ALK: variants seen among roughly 807,000 people sequenced by gnomAD.
The protein encoded by ALK is ALK tyrosine kinase receptor.
A neutral mutation model predicts 163.1 loss-of-function variants in ALK; 74 were observed. The ratio of observed to expected loss-of-function variants is 0.45; its 90% CI spans 0.38 to 0.55. The LOEUF is 0.55. ALK is among the 20% of genes least tolerant of loss of function. The pLI, the probability that ALK is intolerant of heterozygous loss-of-function variation, is 0.00. For missense variants in ALK, 2,063 were observed against 2,105.3 expected, an observed-to-expected ratio of 0.98 and a Z score of 0.39; for synonymous variants, 960 against 843.2, an observed-to-expected ratio of 1.14 and a Z score of -2.40.
In ALK at chr2:29,814,509, A is replaced by T. The variant is rs571043894; in HGVS notation, c.668-96812T>A. ...CCCTGTCTCTACTAAAAATACAAAAAATTAGCTGGGCGAGGTGGCAGGCAC... is the reference window on the plus strand; with the variant it reads ...CCCTGTCTCTACTAAAAATACAAAATATTAGCTGGGCGAGGTGGCAGGCAC... On this transcript the variant is annotated intron_variant, in intron 1 of 28. Transcript: ENST00000389048. Among the ~76,000 whole-genome samples the T allele has an allele frequency of 1.8e-4, 27 of 151,956 alleles. 2 individuals carry two copies. The highest frequency in any genetic ancestry group is 5.3e-4 in the African/African-American group (22 of 41,418).
intron 3 of ALK, among the ~76,000 whole-genome samples, chr2:29,653,704 T>C (rs1004553701): frequency 6.6e-6 from 1 of 151,998 alleles, no homozygotes; most frequent in African/African-American, 2.4e-5. Context: ...TGGGAGAAGA[T>C]ACACGGTATG....
chr2:29,267,839 A>G (rs1665260125), intron 11 of ALK, among the ~76,000 whole-genome samples: 1 of 152,232 alleles, frequency 6.6e-6, no homozygotes, highest in Non-Finnish European at 1.5e-5. Flanking sequence ...AGAAGCAGCA[A>G]GTCTGAGAGA....
chr2:29,362,221 C>T (rs80178066), intron 5 of ALK, among the ~76,000 whole-genome samples: 40 of 152,266 alleles, frequency 2.6e-4, no homozygotes, highest in Non-Finnish European at 4.1e-4. Flanking sequence ...AGGAGAAGGA[C>T]GGGAGGTAAT....
At chr2:29,816,072 T>C (rs544746498) in intron 1 of ALK, among the ~76,000 whole-genome samples, 1 of 152,336 alleles carries the variant, frequency 6.6e-6, no homozygotes, top group East Asian at 1.9e-4. Context: ...CTGCCTAATT[T>C]CTTCCACAAG....
rs572243959 is a variant in ALK, at chr2:29,662,409, C to T, written c.952+32441G>A. Among the ~76,000 whole-genome samples the T allele has an allele frequency of 2.6e-5, 4 of 152,178 alleles. No homozygotes were observed. In the East Asian group the frequency reaches 7.7e-4, roughly 29 times the overall value. ...GATTCATGAATTGTCTCATTTGACC[C>T]AATTTCCTGTATGTTTTATAATAAG... On this transcript the variant is annotated intron_variant, in intron 3 of 28. Transcript: ENST00000389048.
intron 4 of ALK, among the ~76,000 whole-genome samples, chr2:29,517,148 C>T (rs1408345122): frequency 6.6e-6 from 1 of 152,120 alleles, no homozygotes; most frequent in African/African-American, 2.4e-5. Context: ...TGGATAGAAA[C>T]ACACACAGCC....
intron 4 of ALK, among the ~76,000 whole-genome samples, chr2:29,482,261 T>C (rs1161981021): frequency 2.0e-5 from 3 of 152,122 alleles, no homozygotes; most frequent in Non-Finnish European, 4.4e-5. Context: ...CAGTGTGCCA[T>C]GAGCAGGGGA....
Position 29,192,887 on chromosome 2 carries a change from G to C in ALK, c.*337C>G. The C allele has an allele frequency of 4.7e-6, 2 of 424,446 alleles. No homozygotes were observed. Among genetic ancestry groups the C allele is most frequent in the Non-Finnish European group, 8.8e-6 (2 of 228,058 alleles). 26.3% of individuals were successfully genotyped at this position (424,446 alleles called of 1,614,324 possible). On this transcript the variant is annotated 3_prime_UTR_variant, in exon 29 of 29. Transcript: ENST00000389048. ...ACCCCAACTATGAAACATAGAAGCA[G>C]CTAATTCTGACTACATTGAAGCAGA...
chr2:29,832,961 CAA>C (rs1398133021), intron 1 of ALK, among the ~76,000 whole-genome samples: 4 of 152,040 alleles, frequency 2.6e-5, no homozygotes, highest in Non-Finnish European at 2.9e-5. Flanking sequence ...ATTGACAGGG[CAA>C]AGAGAAGTAG....
intron 5 of ALK, among the ~76,000 whole-genome samples, chr2:29,337,791 A>G (rs149698344): frequency 5.9e-4 from 90 of 152,264 alleles, no homozygotes; most frequent in African/African-American, 2.0e-3. Flanking sequence ...TTTCGCCCCT[A>G]GTTTCCATGT....
At chr2:29,508,398 G>T (rs2148137745) in intron 4 of ALK, among the ~76,000 whole-genome samples, 1 of 152,186 alleles carries the variant, frequency 6.6e-6, no homozygotes, top group South Asian at 2.1e-4. Context: ...CCTTTGTAGG[G>T]ACATGGATGA....
intron 8 of ALK, 127 bp downstream of exon 8, chr2:29,318,177 G>A: frequency 1.3e-6 from 1 of 744,664 alleles, no homozygotes; most frequent in South Asian, 1.5e-5. Context: ...TGGCAGAGGT[G>A]GCCCTCTTGT....
chr2:29,553,166 G>A (rs1466410601), intron 3 of ALK, among the ~76,000 whole-genome samples: 1 of 152,136 alleles, frequency 6.6e-6, no homozygotes, highest in African/African-American at 2.4e-5. Flanking sequence ...GGCCATTTTG[G>A]GAAGCGATTT....
chr2:29,218,687 C>G (rs1669704660), intron 23 of ALK, among the ~76,000 whole-genome samples: 1 of 152,218 alleles, frequency 6.6e-6, no homozygotes, highest in South Asian at 2.1e-4. Context: ...CAAAGTCCCT[C>G]TCCTTTGCAT....
chr2:29,344,050 T>C (rs1667877299), intron 5 of ALK, among the ~76,000 whole-genome samples: 1 of 152,136 alleles, frequency 6.6e-6, no homozygotes, highest in South Asian at 2.1e-4. Context: ...GGTCTTGGAC[T>C]GACTGGCCAA....
intron 4 of ALK, among the ~76,000 whole-genome samples, chr2:29,513,073 C>T (rs972164072): frequency 1.3e-5 from 2 of 151,532 alleles, no homozygotes; most frequent in African/African-American, 2.4e-5. Flanking sequence ...GGCCATACTG[C>T]CCAAGGTAAT....
Position 29,612,104 on chromosome 2 carries a change from G to A in ALK, c.953-79988C>T, listed in dbSNP as rs1397414144. 5.9e-5 allele frequency among the ~76,000 whole-genome samples: 9 copies of A among 152,220 alleles called. No homozygotes were observed. The East Asian group carries it at 1.4e-3, about 23-fold the overall frequency. ...CCGACTTGGGACTTGACACCAGGGT[G>A]TGCAACAGAACCCAGGCTTCCTCCC... On this transcript the variant is annotated intron_variant, in intron 3 of 28. Transcript: ENST00000389048.
chr2:29,660,383 A>T (rs149883804), intron 3 of ALK, among the ~76,000 whole-genome samples: 1 of 152,316 alleles, frequency 6.6e-6, no homozygotes, highest in East Asian at 1.9e-4. Context: ...TTGCCAAGAC[A>T]GGTGGGCAAA....
chr2:29,215,546 G>T (rs1669579872), intron 23 of ALK, among the ~76,000 whole-genome samples: 1 of 152,184 alleles, frequency 6.6e-6, no homozygotes, highest in Non-Finnish European at 1.5e-5. Flanking sequence ...ACTCAGAGAG[G>T]CTACCTGACT....
Sources: gnomAD v4.1 joint callset for allele counts (sites outside exome capture counted in the v4.1 genomes callset) on GRCh38, gnomAD v4.1.1 for gene constraint, MANE v1.5 for transcripts, NCBI Gene and HGNC (gene_info 2026-07-23, HGNC 2026-07-21) for gene names.